MMAA: variants seen among roughly 807,000 people sequenced by gnomAD.
MMAA encodes the protein methylmalonic aciduria type A protein, mitochondrial.
Under a neutral mutation model 45.0 loss-of-function variants are expected in MMAA, and 41 were observed. That is an observed-to-expected ratio of 0.91 (90% CI 0.71 to 1.18). The LOEUF (loss-of-function observed/expected upper bound fraction) is 1.18. MMAA is among the 50% of genes most tolerant of loss of function. MMAA has a pLI of 0.00. For missense variants in MMAA, 460 were observed against 495.7 expected (o/e 0.93, Z 0.68); for synonymous variants, 154 against 178.2 (o/e 0.86, Z 1.08).
chr4:145,651,048 A>C lies in MMAA; in HGVS notation c.734-14A>C, dbSNP rs759767682. The C allele has an allele frequency of 6.2e-7, 1 of 1,612,438 alleles. No homozygotes were observed. The highest frequency in any genetic ancestry group is 8.5e-7 in the Non-Finnish European group (1 of 1,178,546). On this transcript the variant is annotated splice_polypyrimidine_tract_variant and intron_variant, in intron 4 of 6. Coordinates refer to ENST00000649156, the MANE Select transcript of MMAA (RefSeq NM_172250.3). ...GTGAGTATTTTAGGATATAGTTGTG[A>C]TTTACAATTTCAGGTGTGGGTCAGT...
At chr4:145,644,127 G>T (rs1727865245) in intron 3 of MMAA, among the ~76,000 whole-genome samples, 1 of 152,124 alleles carries the variant, frequency 6.6e-6, no homozygotes, top group Admixed American at 6.5e-5. Flanking sequence ...CAGACCCCCT[G>T]TGATAGCTTT....
At chr4:145,641,210 C>G (rs1390117853) in intron 2 of MMAA, among the ~76,000 whole-genome samples, 2 of 152,122 alleles carry the variant, frequency 1.3e-5, no homozygotes, top group African/African-American at 4.8e-5. Flanking sequence ...CAGAGAAATT[C>G]TAGGTATGAC....
chr4:145,648,138 G>A (rs1291811425), intron 4 of MMAA, among the ~76,000 whole-genome samples: 9 of 137,176 alleles, frequency 6.6e-5, no homozygotes, highest in Non-Finnish European at 9.2e-5. Flanking sequence ...GTGATCCACC[G>A]TGCCTGGCCT....
At chr4:145,653,031 G>C (rs1269507078) in intron 5 of MMAA, among the ~76,000 whole-genome samples, 7 of 151,806 alleles carry the variant, frequency 4.6e-5, no homozygotes, top group Non-Finnish European at 5.9e-5. Context: ...AACCACTCTC[G>C]GCTAATTTTT....
intron 1 of MMAA, among the ~76,000 whole-genome samples, chr4:145,633,926 G>A (rs1727532380): frequency 6.6e-6 from 1 of 152,188 alleles, no homozygotes. Flanking sequence ...CAGAATCTCT[G>A]TCTGTTTTGA....
chr4:145,650,269 G>A (rs1350565809), intron 4 of MMAA: 1 of 152,220 alleles, frequency 6.6e-6, no homozygotes, highest in Non-Finnish European at 1.5e-5. Context: ...GGACCCAGAG[G>A]AAGTGGAAAG....
intron 3 of MMAA, among the ~76,000 whole-genome samples, chr4:145,645,345 G>A (rs1727898111): frequency 6.6e-6 from 1 of 152,174 alleles, no homozygotes; most frequent in South Asian, 2.1e-4. Flanking sequence ...CTATATGAAG[G>A]AGCAAGGACT....
At chr4:145,640,470 A>T (rs368691288) in intron 2 of MMAA, among the ~76,000 whole-genome samples, 13 of 152,222 alleles carry the variant, frequency 8.5e-5, no homozygotes, top group East Asian at 5.8e-4. Flanking sequence ...TAGCTCTGAC[A>T]TCATGCTTGG....
Position 145,647,274 on chromosome 4 carries a change from C to T in MMAA, c.733+1118C>T, listed in dbSNP as rs1457408543. Reference sequence around the variant, plus strand: ...GAATACTGTAGAAAAAGTAGATTTGCAGAGAGGAAAACAATGAGTTCAGTT... The same window carrying T: ...GAATACTGTAGAAAAAGTAGATTTGTAGAGAGGAAAACAATGAGTTCAGTT... On this transcript the variant is annotated intron_variant, in intron 4 of 6. Coordinates refer to ENST00000649156, the MANE Select transcript of MMAA (RefSeq NM_172250.3). Among the ~76,000 whole-genome samples the T allele has an allele frequency of 2.0e-5, 3 of 152,116 alleles. No homozygotes were observed. The East Asian group carries it at 5.8e-4, about 29-fold the overall frequency.
chr4:145,653,834 C>A (rs1728158132), intron 5 of MMAA, among the ~76,000 whole-genome samples, 160 bp from the exon 6 acceptor site: 1 of 152,236 alleles, frequency 6.6e-6, no homozygotes, highest in African/African-American at 2.4e-5. Flanking sequence ...ATAGCCAATG[C>A]TTTTGAGTAA....
intron 1 of MMAA, among the ~76,000 whole-genome samples, chr4:145,623,678 T>C (rs1225919022): frequency 6.6e-6 from 1 of 152,168 alleles, no homozygotes; most frequent in African/African-American, 2.4e-5. Flanking sequence ...ACTAGGAAAA[T>C]CATTATTTCA....
intron 1 of MMAA, among the ~76,000 whole-genome samples, chr4:145,635,069 C>G (rs1448016760): frequency 6.6e-6 from 1 of 152,086 alleles, no homozygotes; most frequent in Non-Finnish European, 1.5e-5. Context: ...TGGTGTCTCA[C>G]TGGGTTGTGT....
chr4:145,627,812 C>G (rs936911429), intron 1 of MMAA, among the ~76,000 whole-genome samples: 4 of 152,004 alleles, frequency 2.6e-5, no homozygotes, highest in African/African-American at 9.7e-5. Flanking sequence ...AAAAATCTAC[C>G]ATGCTCAAAA....
At chr4:145,635,785 G>T (rs1727592416) in intron 1 of MMAA, among the ~76,000 whole-genome samples, 1 of 152,136 alleles carries the variant, frequency 6.6e-6, no homozygotes, top group African/African-American at 2.4e-5. Context: ...TCTGTTCTTT[G>T]GCTCCTCCTC....
intron 1 of MMAA, among the ~76,000 whole-genome samples, chr4:145,622,832 C>G (rs549336929): frequency 6.6e-6 from 1 of 152,192 alleles, no homozygotes; most frequent in East Asian, 1.9e-4. Flanking sequence ...TATATGATGT[C>G]TGGGGAGGGA....
At position 145,654,152 on chromosome 4, in the gene MMAA, G is replaced by C. The variant is rs1007611523; in HGVS notation, c.969+9G>C. 2 of 1,614,080 alleles carry C rather than the reference G, an allele frequency of 1.2e-6. No individual in the cohort carries two copies. Among genetic ancestry groups the C allele is most frequent in the Admixed American group, 1.7e-5 (1 of 60,012 alleles). ...AAGTCTGGAAACCAAAGGTAAGCTTGCTTGCATTCTGTATCTTTCACTCTG... is the reference window on the plus strand; with the variant it reads ...AAGTCTGGAAACCAAAGGTAAGCTTCCTTGCATTCTGTATCTTTCACTCTG... On this transcript the variant is annotated intron_variant, in intron 6 of 6. Transcript: ENST00000649156.
At chr4:145,642,880 TTTTAACA>T (rs1008834448) in intron 3 of MMAA, 1 of 261,532 alleles carries the variant, frequency 3.8e-6, no homozygotes, top group Non-Finnish European at 7.5e-6. Context: ...CCTCATAATG[TTTTAACA>T]TCTCTTAAGC....
At chr4:145,651,431 T>A (rs1210858860) in intron 5 of MMAA, among the ~76,000 whole-genome samples, 2 of 152,242 alleles carry the variant, frequency 1.3e-5, no homozygotes, top group Non-Finnish European at 2.9e-5. Context: ...AGACCATTGT[T>A]GCATAGATGT....
intron 4 of MMAA, among the ~76,000 whole-genome samples, chr4:145,648,577 T>C (rs1485934993): frequency 6.6e-6 from 1 of 152,186 alleles, no homozygotes; most frequent in Non-Finnish European, 1.5e-5. Context: ...AGTAGGAGAA[T>C]CAAAGGAGAA....
Sources: gnomAD v4.1 joint callset for allele counts (sites outside exome capture counted in the v4.1 genomes callset) on GRCh38, gnomAD v4.1.1 for gene constraint, MANE v1.5 for transcripts, NCBI Gene and HGNC (gene_info 2026-07-23, HGNC 2026-07-21) for gene names.